The following COL4A4 variants were observed in gnomAD, a reference collection of about 807,000 sequenced individuals.
COL4A4 encodes collagen type IV alpha 4 chain.
COL4A4 carries 105 observed loss-of-function variants against 192.9 expected under a neutral mutation model. That is an observed-to-expected ratio of 0.54 (90% CI 0.46 to 0.64). The LOEUF is 0.64. COL4A4 is among the 30% of genes least tolerant of loss of function. The pLI, the probability that COL4A4 is intolerant of heterozygous loss-of-function variation, is 0.00. For synonymous variants in COL4A4, 762 were observed against 769.9 expected (o/e 0.99, Z 0.17); for missense variants, 1,967 against 2,169.3 (o/e 0.91, Z 1.85).
intron 4 of COL4A4, among the ~76,000 whole-genome samples, chr2:227,135,074 G>A (rs1043415440): frequency 1.3e-5 from 2 of 152,160 alleles, no homozygotes; most frequent in African/African-American, 4.8e-5. Flanking sequence ...AGAAAATCCT[G>A]CCTGATATAC....
At chr2:227,124,115 A>G (rs2125074551) in intron 4 of COL4A4, among the ~76,000 whole-genome samples, 1 of 152,330 alleles carries the variant, frequency 6.6e-6, no homozygotes, top group Non-Finnish European at 1.5e-5. Flanking sequence ...ACAGAATAGT[A>G]TGTCATATAA....
At chr2:227,080,275 C>T (rs1049825588) in intron 24 of COL4A4, among the ~76,000 whole-genome samples, 168 bp downstream of exon 24, 1 of 152,130 alleles carries the variant, frequency 6.6e-6, no homozygotes, top group Non-Finnish European at 1.5e-5. Flanking sequence ...GATGCTATAC[C>T]TCTTAAAACA....
At chr2:226,976,366 G>A in the COL4A4 span, among the ~76,000 whole-genome samples, 6 of 151,016 alleles carry the variant, frequency 4.0e-5, no homozygotes, top group African/African-American at 1.2e-4. Context: ...AAGTCGAGAC[G>A]TCTGCTTCAG....
At chr2:227,132,791 C>CA (rs76837584) in intron 4 of COL4A4, among the ~76,000 whole-genome samples, 67 of 151,724 alleles carry the variant, frequency 4.4e-4, no homozygotes, top group South Asian at 8.3e-4. Flanking sequence ...AAAAAATAAA[C>CA]AAAAAAAAGA....
intron 12 of COL4A4, among the ~76,000 whole-genome samples, chr2:227,104,921 G>A (rs10181504): frequency 0.56 from 83,786 of 150,856 alleles, 23,807 homozygotes; most frequent in Middle Eastern, 0.66. Flanking sequence ...GATTACAAGC[G>A]TGAGCCACCG....
At chr2:227,023,397 G>A (rs903906475) in intron 43 of COL4A4, among the ~76,000 whole-genome samples, 7 of 149,924 alleles carry the variant, frequency 4.7e-5, no homozygotes, top group Non-Finnish European at 1.5e-5. Flanking sequence ...AGCTGAGATC[G>A]TGCCACTGCA....
At chr2:227,063,391 T>C (rs1024449627) in intron 25 of COL4A4, among the ~76,000 whole-genome samples, 1 of 152,242 alleles carries the variant, frequency 6.6e-6, no homozygotes, top group East Asian at 1.9e-4. Context: ...ATCTAAGATA[T>C]ATCAGATGAA....
At chr2:227,105,046 TATA>T (rs1031359125) in intron 12 of COL4A4, among the ~76,000 whole-genome samples, 1 of 152,138 alleles carries the variant, frequency 6.6e-6, no homozygotes, top group African/African-American at 2.4e-5. Flanking sequence ...TTTATGAAAA[TATA>T]ATCAGAATAC....
chr2:227,144,087 T>A (rs1213043181), intron 3 of COL4A4, among the ~76,000 whole-genome samples: 1 of 152,184 alleles, frequency 6.6e-6, no homozygotes, highest in Non-Finnish European at 1.5e-5. Context: ...CACAATGGGA[T>A]TTCCCAGACA....
At chr2:227,076,127 A>G in intron 25 of COL4A4, among the ~76,000 whole-genome samples, 1 of 151,848 alleles carries the variant, frequency 6.6e-6, no homozygotes, top group Non-Finnish European at 1.5e-5. Flanking sequence ...ACAGAATTAG[A>G]AAAAAAAATT....
At chr2:227,108,480 A>G in intron 12 of COL4A4, 101 bp downstream of exon 12, 1 of 1,154,076 alleles carries the variant, frequency 8.7e-7, no homozygotes, top group Non-Finnish European at 1.3e-6. Context: ...TTGGGCAGTG[A>G]CTAGATAATG....
the COL4A4 span, among the ~76,000 whole-genome samples, chr2:226,980,357 G>A: frequency 4.6e-5 from 7 of 152,244 alleles, no homozygotes; most frequent in Middle Eastern, 3.4e-3. Flanking sequence ...GTAAGACACC[G>A]GTATCCACTC....
At chr2:227,098,115 GGAA>G (rs1317402888) in intron 19 of COL4A4, among the ~76,000 whole-genome samples, 1 of 152,070 alleles carries the variant, frequency 6.6e-6, no homozygotes, top group Non-Finnish European at 1.5e-5. Flanking sequence ...TTGACGCGAG[GGAA>G]GAAGACTTTT....
intron 28 of COL4A4, among the ~76,000 whole-genome samples, chr2:227,058,549 C>T (rs139758771): frequency 2.6e-5 from 4 of 152,282 alleles, no homozygotes; most frequent in African/African-American, 9.6e-5. Context: ...CTCCTCTCCT[C>T]CACGTGTCCT....
intron 30 of COL4A4, 69 bp downstream of exon 30, chr2:227,055,876 C>G: frequency 1.4e-6 from 2 of 1,394,616 alleles, no homozygotes; most frequent in South Asian, 2.4e-5. Flanking sequence ...GTCATCTGTC[C>G]AGTCTTCACT....
At chr2:226,984,255 A>T in the COL4A4 span, among the ~76,000 whole-genome samples, 1 of 152,322 alleles carries the variant, frequency 6.6e-6, no homozygotes, top group South Asian at 2.1e-4. Flanking sequence ...ACAAAATACT[A>T]CCATGGACCC....
chr2:227,012,308 G>A lies in COL4A4; in HGVS notation c.4217-11C>T. On this transcript the variant is annotated splice_polypyrimidine_tract_variant and intron_variant, in intron 44 of 47. Coordinates refer to ENST00000396625, the MANE Select transcript of COL4A4 (RefSeq NM_000092.5). ...GCTCTCCTTTGCACCCTGCACAAAA[G>A]TTTATGATGCTGGTGGTGAAAGCAA... The A allele has an allele frequency of 6.2e-7, 1 of 1,607,090 alleles. No homozygotes were observed. Among genetic ancestry groups the A allele is most frequent in the African/African-American group, 1.3e-5 (1 of 74,934 alleles).
intron 31 of COL4A4, among the ~76,000 whole-genome samples, chr2:227,053,808 A>G (rs1053148685): frequency 2.6e-5 from 4 of 151,800 alleles, no homozygotes; most frequent in Non-Finnish European, 5.9e-5. Context: ...GGCCTCCCAA[A>G]GTGCTGGGAT....
intron 12 of COL4A4, 104 bp downstream of exon 12, chr2:227,108,477 G>T: frequency 8.9e-7 from 1 of 1,119,858 alleles, no homozygotes; most frequent in Non-Finnish European, 1.4e-6. Flanking sequence ...AAATTGGGCA[G>T]TGACTAGATA....
Sources: allele counts gnomAD v4.1 joint callset (sites outside exome capture counted in the v4.1 genomes callset), GRCh38; gene constraint gnomAD v4.1.1; transcripts MANE v1.5; gene names NCBI Gene and HGNC (gene_info 2026-07-23, HGNC 2026-07-21).